The following DPYD variants were observed in gnomAD, a reference collection of about 807,000 sequenced individuals.
The protein encoded by DPYD is dihydropyrimidine dehydrogenase [NADP(+)].
Under a neutral mutation model 116.2 loss-of-function variants are expected in DPYD, and 109 were observed. The observed-to-expected ratio is 0.94, with a 90% CI of 0.80 to 1.10. DPYD has a LOEUF of 1.10. Among genes scored for constraint, DPYD ranks in the 50% least tolerant of loss-of-function variants. The pLI, the probability that DPYD is intolerant of heterozygous loss-of-function variation, is 0.00. For synonymous variants in DPYD, 440 were observed against 432.0 expected (o/e 1.02, Z -0.23); for missense variants, 1,302 against 1,254.5 (o/e 1.04, Z -0.57).
At chr1:97,707,234 A>C (rs766785980) in intron 5 of DPYD, among the ~76,000 whole-genome samples, 1 of 152,080 alleles carries the variant, frequency 6.6e-6, no homozygotes, top group Non-Finnish European at 1.5e-5. Flanking sequence ...TGCCCCTGTC[A>C]CATGTAAGAC....
At chr1:97,738,275 T>C (rs1450194108) in intron 4 of DPYD, among the ~76,000 whole-genome samples, 5 of 152,192 alleles carry the variant, frequency 3.3e-5, no homozygotes, top group South Asian at 2.1e-4. Context: ...GTACTTCCAA[T>C]TGAGAGATAC....
intron 14 of DPYD, among the ~76,000 whole-genome samples, chr1:97,414,664 C>T (rs1222207011): frequency 6.6e-6 from 1 of 152,192 alleles, no homozygotes; most frequent in South Asian, 2.1e-4. Flanking sequence ...TTACTGGACT[C>T]TTATTTATTT....
chr1:97,420,365 T>C (rs961926252), intron 14 of DPYD, among the ~76,000 whole-genome samples: 1 of 152,000 alleles, frequency 6.6e-6, no homozygotes, highest in African/African-American at 2.4e-5. Flanking sequence ...GATGAAAGAG[T>C]CTGTGTTTAA....
intron 6 of DPYD, 107 bp downstream of exon 6, chr1:97,699,244 C>A (rs1442231723): frequency 2.6e-6 from 3 of 1,147,844 alleles, no homozygotes; most frequent in South Asian, 2.8e-5. Flanking sequence ...ATTTAAAATA[C>A]CATCTGTGAG....
chr1:97,786,507 T>C (rs1431530216), intron 3 of DPYD, among the ~76,000 whole-genome samples: 4 of 152,226 alleles, frequency 2.6e-5, no homozygotes, highest in African/African-American at 9.6e-5. Flanking sequence ...AAGATTATCT[T>C]ATTTTATACC....
At chr1:97,223,540 C>CATTAA (rs1251681878) in intron 19 of DPYD, among the ~76,000 whole-genome samples, 3 of 149,080 alleles carry the variant, frequency 2.0e-5, no homozygotes, top group Non-Finnish European at 3.0e-5. Context: ...ATGGCAGTAT[C>CATTAA]ATTAAATTAA....
At chr1:97,126,374 G>A (rs1652831101) in intron 20 of DPYD, among the ~76,000 whole-genome samples, 1 of 152,096 alleles carries the variant, frequency 6.6e-6, no homozygotes, top group African/African-American at 2.4e-5. Context: ...GCACTTGCTT[G>A]GATTTGCCTC....
At chr1:97,168,169 G>A (rs1260874651) in intron 20 of DPYD, among the ~76,000 whole-genome samples, 2 of 152,112 alleles carry the variant, frequency 1.3e-5, no homozygotes, top group East Asian at 3.9e-4. Flanking sequence ...GCTTTTCTTA[G>A]GGAAATCAGA....
At chr1:97,663,930 T>C (rs1482420843) in intron 8 of DPYD, among the ~76,000 whole-genome samples, 2 of 152,172 alleles carry the variant, frequency 1.3e-5, no homozygotes, top group East Asian at 3.9e-4. Context: ...TATATACATG[T>C]AAGTGAGCAA....
At chr1:97,355,869 A>G (rs1670403394) in intron 16 of DPYD, among the ~76,000 whole-genome samples, 1 of 152,196 alleles carries the variant, frequency 6.6e-6, no homozygotes, top group South Asian at 2.1e-4. Flanking sequence ...CCTATTGTGA[A>G]TAGTACTGCA....
chr1:97,696,434 A>C (rs2100964477), intron 6 of DPYD, among the ~76,000 whole-genome samples: 1 of 152,318 alleles, frequency 6.6e-6, no homozygotes, highest in South Asian at 2.1e-4. Context: ...ATTTGCATGT[A>C]GGTGATAATT....
At chr1:97,233,288 A>T (rs1661694710) in intron 19 of DPYD, among the ~76,000 whole-genome samples, 1 of 152,134 alleles carries the variant, frequency 6.6e-6, no homozygotes, top group Non-Finnish European at 1.5e-5. Flanking sequence ...GGAGGAAAGG[A>T]GAGTGGCCTT....
At chr1:97,829,450 A>T (rs10875109) in intron 2 of DPYD, among the ~76,000 whole-genome samples, 115,260 of 151,862 alleles carry the variant, frequency 0.76, 44,132 homozygotes, top group East Asian at 0.98. Context: ...ATATTTTTCA[A>T]AAAGTCCATT....
chr1:97,762,648 C>T (rs1003467379), intron 3 of DPYD, among the ~76,000 whole-genome samples: 1 of 152,114 alleles, frequency 6.6e-6, no homozygotes, highest in Non-Finnish European at 1.5e-5. Context: ...CACATTTATT[C>T]CTGTCTTCAT....
rs116284902 is a variant in DPYD, at chr1:97,815,192, G to A, written c.233+12922C>T. On this transcript the variant is annotated intron_variant, in intron 3 of 22. Coordinates refer to ENST00000370192, the MANE Select transcript of DPYD (RefSeq NM_000110.4). The stretch of plus-strand genomic sequence containing the variant: ...TTTGGGTTGTTATTTACATACTGAA[G>A]TGGCTAAGTCAAGTGTCTCATTGAA... Among the ~76,000 whole-genome samples the A allele has an allele frequency of 2.7e-3, 418 of 152,270 alleles. 2 individuals carry two copies. The highest frequency in any genetic ancestry group is 9.0e-3 in the African/African-American group (372 of 41,546).
chr1:97,364,862 C>A (rs1670942143), intron 16 of DPYD, among the ~76,000 whole-genome samples: 1 of 152,126 alleles, frequency 6.6e-6, no homozygotes, highest in Non-Finnish European at 1.5e-5. Context: ...CTTACCTTAT[C>A]TCCTTCTCTA....
At chr1:97,084,777 C>A (rs545551468) in intron 21 of DPYD, among the ~76,000 whole-genome samples, 1 of 152,300 alleles carries the variant, frequency 6.6e-6, no homozygotes, top group East Asian at 1.9e-4. Flanking sequence ...TTAGCAAATT[C>A]TAATTCATGT....
At chr1:97,610,039 TTTC>T (rs1467304583) in intron 8 of DPYD, among the ~76,000 whole-genome samples, 1 of 152,036 alleles carries the variant, frequency 6.6e-6, no homozygotes, top group Non-Finnish European at 1.5e-5. Flanking sequence ...AAGTGTTATT[TTTC>T]TTCTTTCACT....
chr1:97,864,616 G>A (rs575668652), intron 2 of DPYD, among the ~76,000 whole-genome samples: 6 of 151,828 alleles, frequency 4.0e-5, no homozygotes, highest in Non-Finnish European at 8.8e-5. Context: ...TGAGGCCAAG[G>A]AAGAGATGGG....
Sources: allele counts gnomAD v4.1 joint callset (sites outside exome capture counted in the v4.1 genomes callset), GRCh38; gene constraint gnomAD v4.1.1; transcripts MANE v1.5; gene names NCBI Gene and HGNC (gene_info 2026-07-23, HGNC 2026-07-21).